PRKD1: variants seen among roughly 807,000 people sequenced by gnomAD.
PRKD1 encodes serine/threonine-protein kinase D1.
In PRKD1, 63 loss-of-function variants were observed where a neutral mutation model predicts 95.9. That is an observed-to-expected ratio of 0.66 (90% CI 0.54 to 0.81). The LOEUF (loss-of-function observed/expected upper bound fraction) is 0.81, where lower values mean the gene tolerates loss of function less well. PRKD1 is among the 30% of genes least tolerant of loss of function. PRKD1 has a pLI of 0.00. For missense variants in PRKD1, 1,048 were observed against 1,165.3 expected (o/e 0.90, Z 1.47); for synonymous variants, 425 against 423.1 (o/e 1.00, Z -0.05).
chr14:29,719,553 A>C (rs1885784649), intron 2 of PRKD1, among the ~76,000 whole-genome samples: 1 of 152,200 alleles, frequency 6.6e-6, no homozygotes. Flanking sequence ...AAATGGTATT[A>C]ATAGTGACTG....
chr14:29,616,846 A>G (rs908443271), intron 13 of PRKD1, among the ~76,000 whole-genome samples: 1 of 152,172 alleles, frequency 6.6e-6, no homozygotes, highest in African/African-American at 2.4e-5. Context: ...AGGGTTTGTT[A>G]TATAGTTGAA....
chr14:29,813,844 T>C (rs1274000004), intron 1 of PRKD1, among the ~76,000 whole-genome samples: 1 of 152,172 alleles, frequency 6.6e-6, no homozygotes, highest in Non-Finnish European at 1.5e-5. Flanking sequence ...AACCCACCTT[T>C]TGGTTCCAGC....
At position 29,638,508 on chromosome 14, in the gene PRKD1, G is replaced by T; in HGVS notation, c.966C>A (p.Gly322=). The change falls in exon 6 of 18, where the codon GGC becomes GGA. Residue 322 remains glycine (G), a synonymous_variant. Transcript: ENST00000331968. ...CAPKVPNNCL[G]EVTINGDLLS... is the part of the protein sequence containing the mutation. ...ACCTACCTCCATTAATGGTCACTTC[G>T]CCAAGGCAGTTGTTTGGTACTTTCG... 1 of 1,614,108 alleles carries T rather than the reference G, an allele frequency of 6.2e-7. No individual in the cohort carries two copies. The highest frequency in any genetic ancestry group is 8.5e-7 in the Non-Finnish European group (1 of 1,179,986).
rs1346274670 is a variant in PRKD1, at chr14:29,822,492, T to C, written c.265-96818A>G. ...CATGTTAACAGAGCAATAATTATTT[T>C]AGTGCTTCAATCTGGACAGTCAAAA... On this transcript the variant is annotated intron_variant, in intron 1 of 17. Coordinates refer to ENST00000331968, the MANE Select transcript of PRKD1 (RefSeq NM_002742.3). Among the ~76,000 whole-genome samples the C allele has an allele frequency of 2.0e-5, 3 of 152,202 alleles. 1 individual carries two copies. The highest frequency in any genetic ancestry group is 4.4e-5 in the Non-Finnish European group (3 of 68,046).
At chr14:29,923,244 A>C (rs1895186424) in intron 1 of PRKD1, among the ~76,000 whole-genome samples, 1 of 150,660 alleles carries the variant, frequency 6.6e-6, no homozygotes, top group East Asian at 1.9e-4. Context: ...AAAAAAAAAA[A>C]AACACACAGT....
intron 16 of PRKD1, among the ~76,000 whole-genome samples, chr14:29,579,473 G>A (rs900433747): frequency 2.0e-5 from 3 of 152,024 alleles, no homozygotes; most frequent in African/African-American, 7.2e-5. Context: ...GCTGATAAAC[G>A]AAAATGAAAA....
intron 1 of PRKD1, among the ~76,000 whole-genome samples, chr14:29,795,252 T>C (rs45592136): frequency 3.7e-4 from 56 of 152,032 alleles, no homozygotes; most frequent in Admixed American, 2.6e-3. Flanking sequence ...CTAAGCCCCA[T>C]TGCTTTTGTC....
intron 12 of PRKD1, among the ~76,000 whole-genome samples, chr14:29,625,045 CT>C (rs35322247): frequency 6.6e-6 from 1 of 152,080 alleles, no homozygotes; most frequent in East Asian, 1.9e-4. Context: ...ATTACTCAAA[CT>C]TTTTGGTAAC....
At chr14:29,729,609 T>G (rs1267681028) in intron 1 of PRKD1, among the ~76,000 whole-genome samples, 6 of 152,030 alleles carry the variant, frequency 3.9e-5, no homozygotes, top group African/African-American at 1.4e-4. Flanking sequence ...CAGCAGTTGT[T>G]TCATGGAATT....
chr14:29,636,235 A>AG (rs1327747372), intron 7 of PRKD1, 55 bp downstream of exon 7: 1 of 1,595,094 alleles, frequency 6.3e-7, no homozygotes, highest in African/African-American at 1.3e-5. Context: ...AGGTTTAAAG[A>AG]GAAAATACTG....
intron 16 of PRKD1, among the ~76,000 whole-genome samples, chr14:29,586,123 G>A (rs557881042): frequency 1.7e-4 from 26 of 152,312 alleles, no homozygotes; most frequent in African/African-American, 6.3e-4. Context: ...CTAGAGGTAT[G>A]AGAACATTGA....
intron 1 of PRKD1, among the ~76,000 whole-genome samples, chr14:29,849,208 G>T (rs1408595563): frequency 6.6e-6 from 1 of 152,120 alleles, no homozygotes; most frequent in African/African-American, 2.4e-5. Context: ...ATTTAAAAGT[G>T]TGTGGCACCT....
At chr14:29,594,295 C>G in intron 16 of PRKD1, 2 of 328,042 alleles carry the variant, frequency 6.1e-6, no homozygotes, top group Non-Finnish European at 1.2e-5. Flanking sequence ...AAATACATTA[C>G]AACTAGCAAT....
intron 2 of PRKD1, among the ~76,000 whole-genome samples, chr14:29,693,106 T>C (rs1454900291): frequency 2.6e-5 from 4 of 152,178 alleles, no homozygotes; most frequent in Non-Finnish European, 1.5e-5. Context: ...TATTATTTAC[T>C]TAGAAACAAC....
chr14:29,705,684 T>C (rs180910643), intron 2 of PRKD1, among the ~76,000 whole-genome samples: 245 of 152,234 alleles, frequency 1.6e-3, no homozygotes, highest in African/African-American at 5.5e-3. Context: ...TTTCTGTTTG[T>C]ATGGTTGTAC....
intron 1 of PRKD1, among the ~76,000 whole-genome samples, chr14:29,897,070 GATA>G (rs1234228012): frequency 6.6e-5 from 10 of 151,810 alleles, no homozygotes; most frequent in Admixed American, 2.0e-4. Flanking sequence ...TACAATTTTA[GATA>G]ATAAGAGTAT....
chr14:29,675,604 T>C (rs1883113078), intron 2 of PRKD1, among the ~76,000 whole-genome samples: 1 of 152,162 alleles, frequency 6.6e-6, no homozygotes, highest in African/African-American at 2.4e-5. Context: ...AGAAACACCA[T>C]TTGACCCAGC....
chr14:29,743,211 T>C (rs1887058159), intron 1 of PRKD1, among the ~76,000 whole-genome samples: 4 of 152,172 alleles, frequency 2.6e-5, no homozygotes, highest in Admixed American at 2.6e-4. Context: ...AGCTTGTGAA[T>C]AGGCCGGTAA....
intron 1 of PRKD1, among the ~76,000 whole-genome samples, chr14:29,746,529 TATACACACAC>T (rs1424719849): frequency 6.8e-6 from 1 of 146,410 alleles, no homozygotes; most frequent in Non-Finnish European, 1.5e-5. Context: ...TGTGTACATA[TATACACACAC>T]ACACACACAC....
Sources: gnomAD v4.1 joint callset for allele counts (sites outside exome capture counted in the v4.1 genomes callset) on GRCh38, gnomAD v4.1.1 for gene constraint, MANE v1.5 for transcripts, NCBI Gene and HGNC (gene_info 2026-07-23, HGNC 2026-07-21) for gene names.